The following ELOVL7 variants were observed in gnomAD, a reference collection of about 807,000 sequenced individuals.
The protein encoded by ELOVL7 is very long chain fatty acid elongase 7.
A neutral mutation model predicts 35.7 loss-of-function variants in ELOVL7; 27 were observed. The ratio of observed to expected loss-of-function variants is 0.76; its 90% CI spans 0.56 to 1.04. ELOVL7 has a LOEUF of 1.04. ELOVL7 is among the 50% of genes least tolerant of loss of function. The probability of loss-of-function intolerance (pLI) is 0.00; values close to 1 mark genes in which losing one functional copy is unlikely to be tolerated. For missense variants in ELOVL7, 327 were observed against 340.8 expected, an observed-to-expected ratio of 0.96 and a Z score of 0.32; for synonymous variants, 113 against 114.6, an observed-to-expected ratio of 0.99 and a Z score of 0.09.
intron 1 of ELOVL7, among the ~76,000 whole-genome samples, chr5:60,827,925 T>C (rs1056208141): frequency 2.6e-5 from 4 of 152,092 alleles, no homozygotes; most frequent in Non-Finnish European, 5.9e-5. Context: ...TTTCACTCTT[T>C]CTGCCCTTCT....
Position 60,805,636 on chromosome 5 carries a change from G to A in ELOVL7, c.-85-6406C>T, listed in dbSNP as rs182328753. Among the ~76,000 whole-genome samples, 13 of 152,236 alleles carry A rather than the reference G, an allele frequency of 8.5e-5. No homozygotes were observed. The East Asian group carries it at 1.9e-3, about 23-fold the overall frequency. On this transcript the variant is annotated intron_variant, in intron 1 of 8. Coordinates refer to ENST00000508821, the MANE Select transcript of ELOVL7 (RefSeq NM_024930.3). Reference sequence around the variant, plus strand: ...TACACACTATTGCATCTATTGGGAAGGATCCAGCATAAGCCAGTATTGCAT... The same window carrying A: ...TACACACTATTGCATCTATTGGGAAAGATCCAGCATAAGCCAGTATTGCAT...
At chr5:60,809,753 G>T (rs1745140234) in intron 1 of ELOVL7, among the ~76,000 whole-genome samples, 1 of 152,178 alleles carries the variant, frequency 6.6e-6, no homozygotes, top group African/African-American at 2.4e-5. Context: ...AAAAAAAGTA[G>T]GAAAATAGAG....
At chr5:60,834,910 G>A (rs571236794) in intron 1 of ELOVL7, among the ~76,000 whole-genome samples, 1 of 151,800 alleles carries the variant, frequency 6.6e-6, no homozygotes, top group Admixed American at 6.6e-5. Flanking sequence ...AGTCCCAAGG[G>A]CTGGGCACAG....
At chr5:60,770,683 A>C (rs16878411) in intron 4 of ELOVL7, among the ~76,000 whole-genome samples, 11,496 of 152,206 alleles carry the variant, frequency 0.076, 647 homozygotes, top group East Asian at 0.2. Flanking sequence ...GACTATAGGG[A>C]GGACTGTGAG....
At chr5:60,836,878 G>A (rs757164740) in intron 1 of ELOVL7, among the ~76,000 whole-genome samples, 3 of 151,848 alleles carry the variant, frequency 2.0e-5, no homozygotes, top group Admixed American at 2.0e-4. Context: ...TTTTATGGTT[G>A]CCCTTACGCC....
At chr5:60,824,980 G>C (rs559910729) in intron 1 of ELOVL7, among the ~76,000 whole-genome samples, 4 of 149,488 alleles carry the variant, frequency 2.7e-5, no homozygotes, top group Admixed American at 2.7e-4. Context: ...TTTTGAGACA[G>C]AGTCTCACTC....
At chr5:60,805,552 G>A (rs1744877664) in intron 1 of ELOVL7, among the ~76,000 whole-genome samples, 1 of 152,186 alleles carries the variant, frequency 6.6e-6, no homozygotes, top group Admixed American at 6.5e-5. Context: ...AAGATTGTCT[G>A]GGTGGTGGAA....
chr5:60,835,824 C>T (rs12516248), intron 1 of ELOVL7, among the ~76,000 whole-genome samples: 29,298 of 151,946 alleles, frequency 0.19, 3,562 homozygotes, highest in Non-Finnish European at 0.26. Flanking sequence ...TTTGCACTTA[C>T]GTTTCATAAG....
intron 2 of ELOVL7, among the ~76,000 whole-genome samples, chr5:60,795,171 G>A (rs1285513237): frequency 1.3e-5 from 2 of 152,192 alleles, no homozygotes; most frequent in Non-Finnish European, 2.9e-5. Context: ...CCAGATGTGA[G>A]TCAGAATGGG....
rs114300995 is a variant in ELOVL7, at chr5:60,824,867, T to A, written c.-86+19293A>T. ...CAATATTTTCCCACCTCACTCACAA[T>A]AAAAGTCAAAGTTCTTATAATGGGC... On this transcript the variant is annotated intron_variant, in intron 1 of 8. Transcript: ENST00000508821. 3.4e-3 allele frequency among the ~76,000 whole-genome samples: 514 copies of A among 152,214 alleles called. 3 individuals are homozygous for A. The highest frequency in any genetic ancestry group is 0.011 in the African/African-American group (466 of 41,526).
chr5:60,837,748 C>A (rs1746913359), intron 1 of ELOVL7, among the ~76,000 whole-genome samples: 1 of 152,068 alleles, frequency 6.6e-6, no homozygotes, highest in Non-Finnish European at 1.5e-5. Flanking sequence ...TTGAGACCAG[C>A]CTGACCTAAC....
At chr5:60,832,056 C>T (rs1160584328) in intron 1 of ELOVL7, among the ~76,000 whole-genome samples, 2 of 152,096 alleles carry the variant, frequency 1.3e-5, no homozygotes, top group African/African-American at 4.8e-5. Flanking sequence ...CACTTTTTTT[C>T]TGAAGATAAG....
intron 1 of ELOVL7, among the ~76,000 whole-genome samples, chr5:60,839,834 T>C (rs771508774): frequency 1.3e-5 from 2 of 152,182 alleles, no homozygotes; most frequent in Admixed American, 1.3e-4. Context: ...ACTCTGTCTC[T>C]ATAAAAGATA....
At chr5:60,799,759 C>T (rs569025716) in intron 1 of ELOVL7, among the ~76,000 whole-genome samples, 124 of 152,174 alleles carry the variant, frequency 8.1e-4, no homozygotes, top group Non-Finnish European at 1.4e-3. Flanking sequence ...ACTAATAGAC[C>T]GGGTGTGGTG....
intron 1 of ELOVL7, among the ~76,000 whole-genome samples, chr5:60,833,786 C>A (rs925633956): frequency 6.6e-6 from 1 of 152,128 alleles, no homozygotes; most frequent in African/African-American, 2.4e-5. Flanking sequence ...CCTTCTAGGG[C>A]TTCTGTGAGG....
intron 1 of ELOVL7, among the ~76,000 whole-genome samples, chr5:60,828,088 G>C (rs1159558560): frequency 6.6e-6 from 1 of 152,074 alleles, no homozygotes; most frequent in Non-Finnish European, 1.5e-5. Context: ...CTCTCACCAG[G>C]ACCTTTGTCT....
chr5:60,777,054 G>C, intron 3 of ELOVL7, among the ~76,000 whole-genome samples: 1 of 148,540 alleles, frequency 6.7e-6, no homozygotes, highest in Non-Finnish European at 1.5e-5. Context: ...AAACAATTAA[G>C]TCCATGGAGA....
chr5:60,772,690 G>A (rs1159189579), intron 3 of ELOVL7, among the ~76,000 whole-genome samples: 5 of 152,196 alleles, frequency 3.3e-5, no homozygotes, highest in Admixed American at 6.5e-5. Context: ...GAAAGCATAC[G>A]GCAGGGGAGC....
chr5:60,806,868 G>C (rs577924392), intron 1 of ELOVL7, among the ~76,000 whole-genome samples: 2 of 152,276 alleles, frequency 1.3e-5, no homozygotes, highest in East Asian at 3.9e-4. Context: ...TTCTACTTTG[G>C]TATTGGTAGC....
Sources: allele counts gnomAD v4.1 joint callset (sites outside exome capture counted in the v4.1 genomes callset), GRCh38; gene constraint gnomAD v4.1.1; transcripts MANE v1.5; gene names NCBI Gene and HGNC (gene_info 2026-07-23, HGNC 2026-07-21).